The following CNTNAP2 variants were observed in gnomAD, a reference collection of about 807,000 sequenced individuals.
CNTNAP2 encodes the protein contactin-associated protein-like 2.
Under a neutral mutation model 155.2 loss-of-function variants are expected in CNTNAP2, and 98 were observed. That is an observed-to-expected ratio of 0.63 (90% CI 0.54 to 0.75). The LOEUF is 0.75. CNTNAP2 is among the 30% of genes least tolerant of loss of function. CNTNAP2 has a pLI of 0.00. For missense variants in CNTNAP2, 1,727 were observed against 1,688.1 expected (o/e 1.02, Z -0.40); for synonymous variants, 651 against 631.2 (o/e 1.03, Z -0.47).
At chr7:146,879,880 C>T (rs990294232) in intron 3 of CNTNAP2, among the ~76,000 whole-genome samples, 1 of 152,062 alleles carries the variant, frequency 6.6e-6, no homozygotes, top group African/African-American at 2.4e-5. Context: ...CACAGTTCCA[C>T]GTGGCTGGGG....
At chr7:147,836,135 G>A (rs1798629533) in intron 13 of CNTNAP2, among the ~76,000 whole-genome samples, 1 of 152,140 alleles carries the variant, frequency 6.6e-6, no homozygotes, top group African/African-American at 2.4e-5. Flanking sequence ...AATCCAGGAA[G>A]AAATTTTTGT....
intron 1 of CNTNAP2, among the ~76,000 whole-genome samples, chr7:146,773,340 A>C (rs2129185749): frequency 6.6e-6 from 1 of 152,312 alleles, no homozygotes; most frequent in Non-Finnish European, 1.5e-5. Context: ...TTTTTCTGTC[A>C]GTAATAATTT....
intron 13 of CNTNAP2, among the ~76,000 whole-genome samples, chr7:147,807,302 G>A (rs1487524472): frequency 2.6e-5 from 3 of 113,832 alleles, no homozygotes; most frequent in African/African-American, 1.0e-4. Context: ...GAGCCTGGAT[G>A]ACAGAGCAGG....
chr7:146,160,619 C>A (rs904380962), intron 1 of CNTNAP2, among the ~76,000 whole-genome samples: 2 of 152,148 alleles, frequency 1.3e-5, no homozygotes, highest in East Asian at 3.9e-4. Flanking sequence ...GGATAAACTC[C>A]TGGACACATA....
chr7:147,070,414 T>G (rs1799868734), intron 4 of CNTNAP2, among the ~76,000 whole-genome samples: 1 of 152,152 alleles, frequency 6.6e-6, no homozygotes, highest in African/African-American at 2.4e-5. Flanking sequence ...TTTTCAAGGT[T>G]CAAATGCTCT....
At chr7:148,093,382 T>C (rs1803891017) in intron 15 of CNTNAP2, among the ~76,000 whole-genome samples, 1 of 152,252 alleles carries the variant, frequency 6.6e-6, no homozygotes, top group Non-Finnish European at 1.5e-5. Flanking sequence ...CATACATATT[T>C]GACTGTAGAA....
intron 15 of CNTNAP2, among the ~76,000 whole-genome samples, chr7:148,010,312 G>A (rs1195801951): frequency 6.6e-6 from 1 of 151,358 alleles, no homozygotes; most frequent in Non-Finnish European, 1.5e-5. Context: ...TCTTTGTCTT[G>A]TCTTTTTATT....
chr7:146,163,963 C>T (rs966696752), intron 1 of CNTNAP2, among the ~76,000 whole-genome samples: 5 of 152,118 alleles, frequency 3.3e-5, no homozygotes, highest in South Asian at 2.1e-4. Context: ...TTACCCCAGC[C>T]TGTGACAAGA....
chr7:146,227,361 G>A (rs1799310596), intron 1 of CNTNAP2, among the ~76,000 whole-genome samples: 1 of 149,656 alleles, frequency 6.7e-6, no homozygotes, highest in Admixed American at 6.7e-5. Context: ...GGACGTGGAG[G>A]CTGCAGTGAG....
At chr7:147,877,238 G>A (rs1465389541) in intron 13 of CNTNAP2, among the ~76,000 whole-genome samples, 1 of 152,118 alleles carries the variant, frequency 6.6e-6, no homozygotes, top group Admixed American at 6.5e-5. Context: ...TGTTACCTCA[G>A]TCTGGCTGGT....
chr7:146,868,974 G>A (rs556520199), intron 3 of CNTNAP2, among the ~76,000 whole-genome samples: 1 of 152,286 alleles, frequency 6.6e-6, no homozygotes, highest in East Asian at 1.9e-4. Flanking sequence ...GAGATAGTTT[G>A]ACTTCTTGTC....
chr7:148,043,590 T>C (rs959267756), intron 15 of CNTNAP2, among the ~76,000 whole-genome samples: 8 of 152,194 alleles, frequency 5.3e-5, no homozygotes, highest in South Asian at 2.1e-4. Flanking sequence ...AAAAGACTAG[T>C]TCTAGTTTTA....
At chr7:147,308,507 G>A (rs1795070334) in intron 9 of CNTNAP2, among the ~76,000 whole-genome samples, 1 of 152,132 alleles carries the variant, frequency 6.6e-6, no homozygotes, top group Non-Finnish European at 1.5e-5. Context: ...CTTGCAGACA[G>A]GTGAGATATG....
chr7:147,840,767 A>G (rs1798714927), intron 13 of CNTNAP2, among the ~76,000 whole-genome samples: 1 of 152,202 alleles, frequency 6.6e-6, no homozygotes, highest in African/African-American at 2.4e-5. Flanking sequence ...GGGAAGATAG[A>G]AAGGTACTCA....
intron 15 of CNTNAP2, among the ~76,000 whole-genome samples, chr7:148,043,185 GCTAAAC>G (rs1802709773): frequency 1.3e-5 from 2 of 152,256 alleles, no homozygotes; most frequent in Admixed American, 6.5e-5. Flanking sequence ...TAAATATGTT[GCTAAAC>G]CACTTTACAG....
At chr7:148,194,238 T>G in intron 18 of CNTNAP2, among the ~76,000 whole-genome samples, 1 of 151,478 alleles carries the variant, frequency 6.6e-6, no homozygotes. Context: ...GTTCAAGCAA[T>G]CCACCTGCTT....
At chr7:146,907,277 T>G (rs961060638) in intron 3 of CNTNAP2, among the ~76,000 whole-genome samples, 3 of 145,046 alleles carry the variant, frequency 2.1e-5, no homozygotes, top group Admixed American at 1.4e-4. Flanking sequence ...AGGCCAACGT[T>G]CAGATTCAGG....
intron 3 of CNTNAP2, among the ~76,000 whole-genome samples, chr7:146,855,852 T>TATATATATATAC (rs1554401384): frequency 1.0e-5 from 1 of 100,068 alleles, no homozygotes; most frequent in Non-Finnish European, 2.1e-5. Context: ...TATATATATA[T>TATATATATATAC]ACACACTTAC....
intron 13 of CNTNAP2, among the ~76,000 whole-genome samples, chr7:147,751,352 A>G (rs911783194): frequency 8.6e-5 from 13 of 151,490 alleles, no homozygotes; most frequent in Non-Finnish European, 1.5e-4. Context: ...AGATAAGTGG[A>G]GGAATTAGGT....
Sources: gnomAD v4.1 joint callset for allele counts (sites outside exome capture counted in the v4.1 genomes callset) on GRCh38, gnomAD v4.1.1 for gene constraint, MANE v1.5 for transcripts, NCBI Gene and HGNC (gene_info 2026-07-23, HGNC 2026-07-21) for gene names.